PRR16: variants seen among roughly 807,000 people sequenced by gnomAD.
PRR16 encodes the protein proline rich 16.
In PRR16, 6 loss-of-function variants were observed where a neutral mutation model predicts 18.2. The observed-to-expected ratio is 0.33, with a 90% CI of 0.18 to 0.65. PRR16 has a LOEUF of 0.65. Among genes scored for constraint, PRR16 ranks in the 30% least tolerant of loss-of-function variants. The probability of loss-of-function intolerance (pLI) is 0.74; values close to 1 mark genes in which losing one functional copy is unlikely to be tolerated. For missense variants in PRR16, 412 were observed against 376.6 expected (o/e 1.09, Z -0.78); for synonymous variants, 151 against 147.8 (o/e 1.02, Z -0.16).
chr5:120,612,758 G>A (rs1263267811), intron 1 of PRR16, among the ~76,000 whole-genome samples: 1 of 152,016 alleles, frequency 6.6e-6, no homozygotes, highest in Non-Finnish European at 1.5e-5. Flanking sequence ...GATTCTTTTT[G>A]CAGATATACT....
the PRR16 span, among the ~76,000 whole-genome samples, chr5:120,773,531 T>C: frequency 6.6e-6 from 1 of 152,164 alleles, no homozygotes. Context: ...ACTCAATACT[T>C]TCATTTCTTT....
chr5:120,582,583 T>C (rs770036660), intron 1 of PRR16, among the ~76,000 whole-genome samples: 5 of 152,100 alleles, frequency 3.3e-5, no homozygotes, highest in Non-Finnish European at 5.9e-5. Context: ...AGAGAAAATA[T>C]AGTTACAAAT....
intron 1 of PRR16, among the ~76,000 whole-genome samples, chr5:120,621,741 A>G (rs1233582683): frequency 6.6e-6 from 1 of 152,018 alleles, no homozygotes; most frequent in Non-Finnish European, 1.5e-5. Context: ...CCTTTCTGCC[A>G]CCTTGTAAAG....
At chr5:120,666,615 T>C (rs76857631) in intron 1 of PRR16, among the ~76,000 whole-genome samples, 8,799 of 152,176 alleles carry the variant, frequency 0.058, 308 homozygotes, top group South Asian at 0.083. Context: ...TAGCTCTTAT[T>C]ATTTTGAGCT....
At chr5:120,487,106 C>T (rs1044699955) in intron 1 of PRR16, among the ~76,000 whole-genome samples, 3 of 152,148 alleles carry the variant, frequency 2.0e-5, no homozygotes, top group Non-Finnish European at 4.4e-5. Context: ...GTTCTTTTGG[C>T]TTAGGATTGA....
chr5:120,465,040 G>A (rs1031333337), intron 1 of PRR16, among the ~76,000 whole-genome samples: 6 of 152,074 alleles, frequency 3.9e-5, no homozygotes, highest in Admixed American at 6.5e-5. Flanking sequence ...GAGTCCTTTG[G>A]CAAGTCCGCT....
chr5:120,670,233 A>T (rs1317066071), intron 1 of PRR16, among the ~76,000 whole-genome samples: 1 of 152,130 alleles, frequency 6.6e-6, no homozygotes, highest in Non-Finnish European at 1.5e-5. Context: ...GTGTATTTAT[A>T]GTATCTCCCA....
chr5:120,779,143 G>T, the PRR16 span, among the ~76,000 whole-genome samples: 2 of 152,036 alleles, frequency 1.3e-5, no homozygotes, highest in Non-Finnish European at 2.9e-5. Context: ...GTTACACAAA[G>T]AAGTTTTGCC....
the PRR16 span, among the ~76,000 whole-genome samples, chr5:120,746,193 T>A: frequency 0.15 from 22,412 of 151,964 alleles, 2,515 homozygotes; most frequent in African/African-American, 0.31. Context: ...TGATTGACAC[T>A]GAAACATGTT....
intron 1 of PRR16, among the ~76,000 whole-genome samples, chr5:120,537,921 C>T (rs978449115): frequency 2.0e-5 from 3 of 150,110 alleles, no homozygotes; most frequent in South Asian, 2.1e-4. Flanking sequence ...GGACTACAGG[C>T]GCCCGCCACT....
intron 1 of PRR16, among the ~76,000 whole-genome samples, chr5:120,654,637 A>G (rs1755904917): frequency 6.6e-6 from 1 of 151,972 alleles, no homozygotes; most frequent in Non-Finnish European, 1.5e-5. Context: ...ACAGAGAGAA[A>G]AGGTAAACCT....
At chr5:120,755,740 C>T in the PRR16 span, among the ~76,000 whole-genome samples, 1 of 152,048 alleles carries the variant, frequency 6.6e-6, no homozygotes, top group Non-Finnish European at 1.5e-5. Flanking sequence ...CTTTTGGATA[C>T]ATACCCAGTA....
chr5:120,560,308 T>G (rs1032015242), intron 1 of PRR16, among the ~76,000 whole-genome samples: 2 of 152,020 alleles, frequency 1.3e-5, no homozygotes, highest in East Asian at 3.9e-4. Flanking sequence ...TGAGATATAT[T>G]ACCTCTATAC....
At chr5:120,511,422 C>T (rs766969895) in intron 1 of PRR16, among the ~76,000 whole-genome samples, 3 of 152,106 alleles carry the variant, frequency 2.0e-5, no homozygotes, top group African/African-American at 4.8e-5. Context: ...ATTTTAGTCA[C>T]GTTATAGCCA....
At chr5:120,785,572 G>GTTTTTTTTTTTTTTTTTTTTTTTTTTTT in the PRR16 span, among the ~76,000 whole-genome samples, 27 of 119,938 alleles carry the variant, frequency 2.3e-4, 5 homozygotes, top group East Asian at 6.5e-4. Flanking sequence ...TTTTGTTGTT[G>GTTTTTTTTTTTTTTTTTTTTTTTTTTTT]TTGTTTTTTT....
the PRR16 span, among the ~76,000 whole-genome samples, chr5:120,742,623 GAA>G: frequency 6.6e-6 from 1 of 152,056 alleles, no homozygotes; most frequent in East Asian, 1.9e-4. Flanking sequence ...TTTCTTCAAA[GAA>G]AGATTAATTT....
At chr5:120,641,229 T>G (rs1345092697) in intron 1 of PRR16, among the ~76,000 whole-genome samples, 2 of 152,068 alleles carry the variant, frequency 1.3e-5, no homozygotes, top group African/African-American at 4.8e-5. Flanking sequence ...AAATGCTTAT[T>G]GAAGATTATG....
intron 1 of PRR16, among the ~76,000 whole-genome samples, chr5:120,515,725 G>A (rs942331224): frequency 1.3e-5 from 2 of 152,164 alleles, no homozygotes; most frequent in Non-Finnish European, 2.9e-5. Flanking sequence ...GATAAATACA[G>A]CATGTTTCTC....
the PRR16 span, among the ~76,000 whole-genome samples, chr5:120,715,043 C>A: frequency 2.0e-5 from 3 of 151,792 alleles, no homozygotes; most frequent in South Asian, 2.1e-4. Flanking sequence ...TGCAGCAAAC[C>A]ACCATGGCAC....
Sources: gnomAD v4.1 joint callset for allele counts (sites outside exome capture counted in the v4.1 genomes callset) on GRCh38, gnomAD v4.1.1 for gene constraint, MANE v1.5 for transcripts, NCBI Gene and HGNC (gene_info 2026-07-23, HGNC 2026-07-21) for gene names.